The following PTBP3 variants were observed in gnomAD, a reference collection of about 807,000 sequenced individuals.
The protein encoded by PTBP3 is polypyrimidine tract binding protein 3.
A neutral mutation model predicts 58.7 loss-of-function variants in PTBP3; 20 were observed. That is an observed-to-expected ratio of 0.34 (90% confidence interval 0.24 to 0.50). PTBP3 has a LOEUF of 0.50. Among genes scored for constraint, PTBP3 ranks in the 20% least tolerant of loss-of-function variants. The probability of loss-of-function intolerance (pLI) is 0.98; values close to 1 mark genes in which losing one functional copy is unlikely to be tolerated. For missense variants in PTBP3, 509 were observed against 637.2 expected (o/e 0.80, Z 2.17); for synonymous variants, 185 against 219.8 (o/e 0.84, Z 1.40).
intron 1 of PTBP3, among the ~76,000 whole-genome samples, chr9:112,330,052 A>G (rs897947725): frequency 7.2e-5 from 11 of 151,972 alleles, no homozygotes; most frequent in African/African-American, 2.7e-4. Context: ...GGGTTTCACT[A>G]TGTTGCCCAG....
At chr9:112,353,831 G>A in the PTBP3 span, among the ~76,000 whole-genome samples, 262 of 151,950 alleles carry the variant, frequency 1.7e-3, no homozygotes, top group African/African-American at 5.3e-3. Flanking sequence ...GGTGGCTGGC[G>A]CCTGTAATCC....
At chr9:112,334,750 C>A (rs189090420), upstream of PTBP3, among the ~76,000 whole-genome samples, 1 of 152,224 alleles carries the variant, frequency 6.6e-6, no homozygotes, top group Admixed American at 6.5e-5. Flanking sequence ...ATTCATCATT[C>A]AGTCAGTATT....
the PTBP3 span, among the ~76,000 whole-genome samples, chr9:112,377,505 G>T: frequency 6.6e-6 from 1 of 152,182 alleles, no homozygotes; most frequent in African/African-American, 2.4e-5. Context: ...CCATTGTCAA[G>T]CTTAGTTGTT....
intron 12 of PTBP3, 92 bp from the exon 13 acceptor site, chr9:112,224,302 T>G (rs1366697035): frequency 1.1e-5 from 8 of 759,196 alleles, no homozygotes; most frequent in Non-Finnish European, 1.6e-5. Flanking sequence ...TAGAGTACAT[T>G]TCAAACAGAA....
At chr9:112,292,871 G>A (rs1828503144) in intron 2 of PTBP3, among the ~76,000 whole-genome samples, 1 of 152,084 alleles carries the variant, frequency 6.6e-6, no homozygotes, top group South Asian at 2.1e-4. Flanking sequence ...TTACTACACT[G>A]TATACTCAAA....
At chr9:112,344,775 A>G in the PTBP3 span, among the ~76,000 whole-genome samples, 1 of 152,248 alleles carries the variant, frequency 6.6e-6, no homozygotes, top group African/African-American at 2.4e-5. Context: ...AAGTCTGGGT[A>G]TAAGATTAAC....
chr9:112,306,313 C>A (rs965240872), intron 1 of PTBP3, among the ~76,000 whole-genome samples: 1 of 151,940 alleles, frequency 6.6e-6, no homozygotes, highest in Non-Finnish European at 1.5e-5. Flanking sequence ...CACAGATGCA[C>A]ACCACCATGC....
intron 1 of PTBP3, chr9:112,332,770 C>A (rs1461129512): frequency 1.2e-6 from 2 of 1,611,798 alleles, no homozygotes; most frequent in Admixed American, 1.7e-5. Flanking sequence ...GCTCGTACAT[C>A]ATATTTTACA....
chr9:112,308,532 G>A (rs1829333554), intron 1 of PTBP3, among the ~76,000 whole-genome samples: 1 of 151,932 alleles, frequency 6.6e-6, no homozygotes, highest in Non-Finnish European at 1.5e-5. Context: ...CGTAAGGTTT[G>A]ACTGCTATGA....
At chr9:112,330,457 A>G (rs773442797) in intron 1 of PTBP3, 8 of 1,529,222 alleles carry the variant, frequency 5.2e-6, no homozygotes, top group African/African-American at 2.8e-5. Flanking sequence ...ACCGACTGTT[A>G]TAAGATCTGT....
chr9:112,295,245 G>GA (rs200186001), intron 2 of PTBP3, among the ~76,000 whole-genome samples: 4,820 of 118,496 alleles, frequency 0.041, 262 homozygotes, highest in African/African-American at 0.14. Context: ...AGTCTCAAAA[G>GA]AAAAAAAAAA....
chr9:112,339,867 G>GCCC, the PTBP3 span, among the ~76,000 whole-genome samples: 1 of 151,994 alleles, frequency 6.6e-6, no homozygotes, highest in Non-Finnish European at 1.5e-5. Context: ...TGCCCTGCCT[G>GCCC]CCCAGCCCAA....
the PTBP3 span, among the ~76,000 whole-genome samples, chr9:112,379,262 A>G: frequency 6.6e-6 from 1 of 152,212 alleles, no homozygotes. Context: ...GTCTTCATAT[A>G]ATAATCTCCT....
At chr9:112,297,808 A>AT (rs748342221) in intron 2 of PTBP3, 24 bp downstream of exon 2, 43 of 1,427,900 alleles carry the variant, frequency 3.0e-5, no homozygotes, top group African/African-American at 7.9e-5. Context: ...GAAATCAAAT[A>AT]TTAAAAAAAA....
chr9:112,228,385 T>C lies in PTBP3; in HGVS notation c.1142A>G (p.Gln381Arg), dbSNP rs1450618400. The change falls in exon 11 of 14, where the codon CAG becomes CGG. Residue 381 changes from glutamine to arginine, a missense_variant. Gln to Arg is a conservative substitution (Grantham distance 43). This residue lies in a region of PTBP3 where 135 missense variants were observed against 229.0 expected (regional missense o/e 0.59). Transcript: ENST00000374257. ...TAATTATTAATCATTAGTACCTAGCTGAGCTTGATTTGCATCCGCCATCTG... is the reference window on the plus strand; with the variant it reads ...TAATTATTAATCATTAGTACCTAGCCGAGCTTGATTTGCATCCGCCATCTG... ...LVQMADANQA[Q>R]LAMNHLSGQR... The C allele has an allele frequency of 6.3e-7, 1 of 1,596,550 alleles. No individual in the cohort carries two copies. The highest frequency in any genetic ancestry group is 8.5e-7 in the Non-Finnish European group (1 of 1,173,664).
intron 1 of PTBP3, among the ~76,000 whole-genome samples, chr9:112,325,392 G>C (rs549427852): frequency 6.6e-6 from 1 of 152,198 alleles, no homozygotes; most frequent in Admixed American, 6.5e-5. Context: ...GTGGTGGCCT[G>C]GTATTCAACC....
At chr9:112,312,909 T>A (rs1829550052) in intron 1 of PTBP3, among the ~76,000 whole-genome samples, 1 of 151,968 alleles carries the variant, frequency 6.6e-6, no homozygotes. Flanking sequence ...CCAGGTATGG[T>A]GGTGCATGCC....
chr9:112,265,039 A>G (rs1381333323), intron 4 of PTBP3, among the ~76,000 whole-genome samples: 1 of 152,200 alleles, frequency 6.6e-6, no homozygotes, highest in African/African-American at 2.4e-5. Flanking sequence ...TAATGTGCAT[A>G]ATTAATTATC....
intron 10 of PTBP3, among the ~76,000 whole-genome samples, chr9:112,229,627 T>A (rs532373109): frequency 6.6e-6 from 1 of 152,198 alleles, no homozygotes; most frequent in Non-Finnish European, 1.5e-5. Context: ...ACTTTAAAAA[T>A]TTAAAATGGA....
Sources: allele counts gnomAD v4.1 joint callset (sites outside exome capture counted in the v4.1 genomes callset), GRCh38; gene constraint gnomAD v4.1.1; regional missense constraint gnomAD v4.1.1; transcripts MANE v1.5; gene names NCBI Gene and HGNC (gene_info 2026-07-23, HGNC 2026-07-21).